The following SOX5 variants were observed in gnomAD, a reference collection of about 807,000 sequenced individuals.
The protein encoded by SOX5 is transcription factor SOX-5.
A neutral mutation model predicts 92.0 loss-of-function variants in SOX5; 9 were observed. That is an observed-to-expected ratio of 0.10 (90% CI 0.06 to 0.17). The LOEUF is 0.17. Among genes scored for constraint, SOX5 ranks in the 10% least tolerant of loss-of-function variants. SOX5 has a pLI of 1.00. For missense variants in SOX5, 642 were observed against 944.5 expected, an observed-to-expected ratio of 0.68 and a Z score of 4.20; for synonymous variants, 344 against 336.3, an observed-to-expected ratio of 1.02 and a Z score of -0.25.
At chr12:23,979,905 CTGGCTGG>C (rs773051092) in intron 4 of SOX5, among the ~76,000 whole-genome samples, 7,622 of 127,460 alleles carry the variant, frequency 0.06, 254 homozygotes, top group African/African-American at 0.078. Context: ...GGCTGGCTGG[CTGGCTGG>C]CCAGACAGAC....
chr12:24,291,206 A>C (rs1161289760), intron 2 of SOX5, among the ~76,000 whole-genome samples: 2 of 152,244 alleles, frequency 1.3e-5, no homozygotes, highest in Non-Finnish European at 2.9e-5. Context: ...GGCACACAGC[A>C]CGTCACAAAG....
intron 1 of SOX5, among the ~76,000 whole-genome samples, chr12:24,416,505 A>G (rs1965049161): frequency 6.6e-6 from 1 of 152,372 alleles, no homozygotes; most frequent in East Asian, 1.9e-4. Context: ...AGACGTGGGT[A>G]AGGAAACGTG....
chr12:24,195,120 T>C (rs754552103), intron 4 of SOX5, among the ~76,000 whole-genome samples: 3 of 139,908 alleles, frequency 2.1e-5, no homozygotes, highest in African/African-American at 5.6e-5. Flanking sequence ...CTAGTTGCAA[T>C]CTAAAATAAA....
At chr12:24,290,584 G>A (rs1240736468) in intron 2 of SOX5, among the ~76,000 whole-genome samples, 4 of 152,168 alleles carry the variant, frequency 2.6e-5, no homozygotes, top group African/African-American at 9.7e-5. Context: ...GTTCAGAGGT[G>A]AAATGTGAGC....
At chr12:24,356,868 C>T (rs951797095) in intron 2 of SOX5, among the ~76,000 whole-genome samples, 4 of 152,148 alleles carry the variant, frequency 2.6e-5, no homozygotes, top group Non-Finnish European at 4.4e-5. Flanking sequence ...ACTAAACCAT[C>T]GGTTACATGT....
chr12:23,626,671 C>CTTTTTTT lies in SOX5; in HGVS notation c.1017+14134_1017+14140dup, dbSNP rs370910356. Reference sequence around the variant, plus strand: ...GGGCTCTTGGCTGCTTTCATTAGTGCTTTTTTTTTTTTTTTTTTTATCTTA... The same window carrying CTTTTTTT: ...GGGCTCTTGGCTGCTTTCATTAGTGCTTTTTTTTTTTTTTTTTTTTTTTTTTATCTTA... On this transcript the variant is annotated intron_variant, in intron 8 of 14. Transcript: ENST00000451604. 6.4e-4 allele frequency among the ~76,000 whole-genome samples: 74 copies of CTTTTTTT among 116,470 alleles called. 1 individual carries two copies. Among genetic ancestry groups the CTTTTTTT allele is most frequent in the East Asian group, 8.2e-4 (3 of 3,676 alleles). The allele number at this position is 116,470 out of a possible 152,430, so 76.4% of individuals were successfully genotyped here.
At chr12:24,397,822 ATAT>A (rs1018910814) in intron 1 of SOX5, among the ~76,000 whole-genome samples, 27 of 151,766 alleles carry the variant, frequency 1.8e-4, no homozygotes, top group Non-Finnish European at 3.1e-4. Context: ...ATCTTCATAA[ATAT>A]TATTGTTATT....
At chr12:23,842,977 C>T (rs1174953703) in intron 3 of SOX5, among the ~76,000 whole-genome samples, 1 of 152,084 alleles carries the variant, frequency 6.6e-6, no homozygotes, top group African/African-American at 2.4e-5. Context: ...AGCCAATGAT[C>T]AAGGCCAACA....
chr12:24,011,492 T>G (rs1236055142), intron 4 of SOX5, among the ~76,000 whole-genome samples: 1 of 152,224 alleles, frequency 6.6e-6, no homozygotes, highest in Non-Finnish European at 1.5e-5. Context: ...TCTTTCTTTT[T>G]ACTTTCCCAA....
At chr12:24,196,184 C>T (rs771376534) in intron 4 of SOX5, among the ~76,000 whole-genome samples, 13 of 152,172 alleles carry the variant, frequency 8.5e-5, no homozygotes, top group Non-Finnish European at 1.8e-4. Flanking sequence ...CACGCCTGGC[C>T]CATTAACTGT....
chr12:23,936,497 A>G (rs1307142895), intron 1 of SOX5, among the ~76,000 whole-genome samples: 1 of 150,892 alleles, frequency 6.6e-6, no homozygotes, highest in African/African-American at 2.4e-5. Context: ...AAAAGTAATA[A>G]AATTCCACTT....
intron 2 of SOX5, among the ~76,000 whole-genome samples, chr12:23,856,852 TATC>T (rs1595091821): frequency 6.6e-6 from 1 of 152,144 alleles, no homozygotes; most frequent in African/African-American, 2.4e-5. Flanking sequence ...GAAAACTTCT[TATC>T]ATAGTACTAA....
intron 4 of SOX5, among the ~76,000 whole-genome samples, chr12:23,976,559 G>T (rs1235767764): frequency 6.6e-6 from 1 of 152,054 alleles, no homozygotes; most frequent in Non-Finnish European, 1.5e-5. Context: ...CATTTGCTAA[G>T]ACTAGAAGTA....
chr12:24,109,973 A>T (rs1243217494), intron 4 of SOX5, among the ~76,000 whole-genome samples: 1 of 152,180 alleles, frequency 6.6e-6, no homozygotes, highest in East Asian at 1.9e-4. Context: ...ATTTTTTCTG[A>T]TGACACATTG....
intron 3 of SOX5, among the ~76,000 whole-genome samples, chr12:23,806,604 A>G (rs1044091696): frequency 1.1e-4 from 17 of 151,858 alleles, no homozygotes; most frequent in Admixed American, 3.9e-4. Flanking sequence ...AAAAAGAAAA[A>G]AAAAACTTTT....
chr12:24,184,347 T>C (rs1037393167), intron 4 of SOX5, among the ~76,000 whole-genome samples: 8 of 152,080 alleles, frequency 5.3e-5, no homozygotes, highest in Non-Finnish European at 7.4e-5. Context: ...GATGATAGAA[T>C]CACTATTCAA....
At chr12:24,031,293 CAG>C (rs1955485872) in intron 4 of SOX5, among the ~76,000 whole-genome samples, 1 of 151,534 alleles carries the variant, frequency 6.6e-6, no homozygotes, top group Non-Finnish European at 1.5e-5. Context: ...AGCCAAGATA[CAG>C]AGTCAACCTG....
At chr12:24,303,855 C>T (rs1281911054) in intron 2 of SOX5, among the ~76,000 whole-genome samples, 1 of 152,084 alleles carries the variant, frequency 6.6e-6, no homozygotes, top group African/African-American at 2.4e-5. Context: ...AAGCTGCCAA[C>T]CACAATAGGT....
At chr12:24,107,873 C>T (rs1946864127) in intron 4 of SOX5, among the ~76,000 whole-genome samples, 1 of 152,166 alleles carries the variant, frequency 6.6e-6, no homozygotes, top group Non-Finnish European at 1.5e-5. Flanking sequence ...ATTTAAATAT[C>T]AGGCAATTTT....
Sources: gnomAD v4.1 joint callset for allele counts (sites outside exome capture counted in the v4.1 genomes callset) on GRCh38, gnomAD v4.1.1 for gene constraint, MANE v1.5 for transcripts, NCBI Gene and HGNC (gene_info 2026-07-23, HGNC 2026-07-21) for gene names.